Variants in PTN observed in about 807,000 individuals in gnomAD.
PTN encodes pleiotrophin.
A neutral mutation model predicts 24.1 loss-of-function variants in PTN; 18 were observed. The observed-to-expected ratio is 0.75, with a 90% confidence interval of 0.52 to 1.11. PTN has a LOEUF of 1.11. Among genes scored for constraint, PTN ranks in the 50% least tolerant of loss-of-function variants. PTN has a pLI of 0.00. For synonymous variants in PTN, 78 were observed against 68.6 expected (o/e 1.14, Z -0.67); for missense variants, 163 against 198.8 (o/e 0.82, Z 1.08).
intron 1 of PTN, among the ~76,000 whole-genome samples, chr7:137,296,662 G>T (rs1809722790): frequency 6.6e-6 from 1 of 152,032 alleles, no homozygotes. Flanking sequence ...GTGGAGAGTA[G>T]AACTCTGATT....
chr7:137,304,203 T>A (rs1195739003), intron 1 of PTN, among the ~76,000 whole-genome samples: 1 of 152,016 alleles, frequency 6.6e-6, no homozygotes, highest in East Asian at 1.9e-4. Flanking sequence ...TTTTTTCTCC[T>A]CCTTCTCTTT....
chr7:137,339,982 G>C (rs140888890), intron 1 of PTN, among the ~76,000 whole-genome samples: 1 of 151,908 alleles, frequency 6.6e-6, no homozygotes, highest in East Asian at 1.9e-4. Flanking sequence ...AATATACAGC[G>C]CTTGATTTTT....
chr7:137,296,657 G>A (rs1166147662), intron 1 of PTN, among the ~76,000 whole-genome samples: 1 of 152,024 alleles, frequency 6.6e-6, no homozygotes, highest in African/African-American at 2.4e-5. Context: ...AGGGGGTGGA[G>A]AGTAGAACTC....
chr7:137,230,058 A>G (rs1424965477), intron 4 of PTN, among the ~76,000 whole-genome samples: 1 of 151,776 alleles, frequency 6.6e-6, no homozygotes, highest in Non-Finnish European at 1.5e-5. Context: ...AGTAGAGTGG[A>G]TATCTAAGTA....
At chr7:137,302,430 A>G (rs1809821083) in intron 1 of PTN, among the ~76,000 whole-genome samples, 1 of 152,026 alleles carries the variant, frequency 6.6e-6, no homozygotes, top group African/African-American at 2.4e-5. Flanking sequence ...TCCAGCAATC[A>G]GCCAAAATTC....
At position 137,254,978 on chromosome 7, in the gene PTN, GGAATAAACA is replaced by G. The variant is rs747162194; in HGVS notation, c.-1-13_-1-5del. On this transcript the variant is annotated splice_region_variant and splice_polypyrimidine_tract_variant and intron_variant, in intron 1 of 4. Coordinates refer to ENST00000348225, the MANE Select transcript of PTN (RefSeq NM_002825.7). ...CTGGTACTGTTGAGCCTGCATTCTAGGAATAAACAGAGAAAGAGAAGAAGGTGGCATTAA... is the reference window on the plus strand; with the variant it reads ...CTGGTACTGTTGAGCCTGCATTCTAGGAGAAAGAGAAGAAGGTGGCATTAA... 3.0e-5 allele frequency: 46 copies of G among 1,515,218 alleles called. 1 individual carries two copies. The South Asian group carries it at 5.7e-4, about 19-fold the overall frequency. 93.9% of individuals were successfully genotyped at this position (1,515,218 alleles called of 1,614,324 possible). A position where few individuals can be genotyped will look rare whatever the true frequency, so the allele number is the denominator to read the frequency against.
intron 1 of PTN, among the ~76,000 whole-genome samples, chr7:137,336,990 C>T (rs891783450): frequency 1.3e-5 from 2 of 152,332 alleles, no homozygotes; most frequent in East Asian, 3.9e-4. Flanking sequence ...GTGGTTTATA[C>T]CTCAGTATTT....
chr7:137,269,086 A>G (rs983705779), intron 1 of PTN, among the ~76,000 whole-genome samples: 3 of 152,164 alleles, frequency 2.0e-5, no homozygotes, highest in African/African-American at 4.8e-5. Flanking sequence ...GTTACTTTGT[A>G]TGAGATTTGA....
At chr7:137,257,793 G>A (rs1808960640) in intron 1 of PTN, among the ~76,000 whole-genome samples, 1 of 152,140 alleles carries the variant, frequency 6.6e-6, no homozygotes, top group East Asian at 1.9e-4. Flanking sequence ...TGAGAATTTG[G>A]AAATTCTCAT....
chr7:137,280,481 G>A (rs565877091), intron 1 of PTN, among the ~76,000 whole-genome samples: 9 of 151,536 alleles, frequency 5.9e-5, no homozygotes, highest in Non-Finnish European at 1.2e-4. Flanking sequence ...GAGAATTCTA[G>A]TTATATAAGT....
intron 1 of PTN, among the ~76,000 whole-genome samples, chr7:137,286,698 G>A (rs760803981): frequency 6.6e-6 from 1 of 152,110 alleles, no homozygotes; most frequent in African/African-American, 2.4e-5. Context: ...CACATATAGA[G>A]ATAAGCACCT....
intron 1 of PTN, among the ~76,000 whole-genome samples, chr7:137,307,745 A>G (rs1809912633): frequency 6.6e-6 from 1 of 152,108 alleles, no homozygotes; most frequent in South Asian, 2.1e-4. Flanking sequence ...GTGTGCTTTA[A>G]CAAACACAAA....
At chr7:137,286,603 TTC>T (rs1170883570) in intron 1 of PTN, among the ~76,000 whole-genome samples, 59 of 152,264 alleles carry the variant, frequency 3.9e-4, no homozygotes, top group Admixed American at 6.5e-4. Flanking sequence ...GATAAATAAT[TTC>T]TTTTTTACTT....
At chr7:137,296,846 A>G (rs75613360) in intron 1 of PTN, among the ~76,000 whole-genome samples, 1 of 151,746 alleles carries the variant, frequency 6.6e-6, no homozygotes, top group Non-Finnish European at 1.5e-5. Context: ...TCTCCACCAA[A>G]CCCCCCAAAT....
intron 3 of PTN, 99 bp from the exon 4 acceptor site, chr7:137,251,490 T>A: frequency 7.6e-7 from 1 of 1,312,760 alleles, no homozygotes; most frequent in South Asian, 1.3e-5. Context: ...TTTATTGAAA[T>A]AATTATAGAT....
chr7:137,329,945 G>C (rs944183365), intron 1 of PTN, among the ~76,000 whole-genome samples: 1 of 152,154 alleles, frequency 6.6e-6, no homozygotes, highest in Non-Finnish European at 1.5e-5. Context: ...AGACAGTAAT[G>C]CAAGATTAGC....
At chr7:137,282,395 CTTTA>C (rs1169695919) in intron 1 of PTN, among the ~76,000 whole-genome samples, 1 of 151,962 alleles carries the variant, frequency 6.6e-6, no homozygotes, top group Non-Finnish European at 1.5e-5. Flanking sequence ...AAATAGATGA[CTTTA>C]TTATTTTTAA....
intron 1 of PTN, among the ~76,000 whole-genome samples, chr7:137,315,850 G>A (rs1288967886): frequency 6.6e-6 from 1 of 152,094 alleles, no homozygotes; most frequent in Non-Finnish European, 1.5e-5. Context: ...GATGGCCTAG[G>A]TATGCAGTTC....
rs547801339 is a variant in PTN at position 137,263,124 on chromosome 7, T to C, written c.-1-8150A>G. Among the ~76,000 whole-genome samples, 44 of 152,304 alleles carry C rather than the reference T, an allele frequency of 2.9e-4. 1 individual carries two copies. In the South Asian group the frequency reaches 8.9e-3, roughly 31 times the overall value. On this transcript the variant is annotated intron_variant, in intron 1 of 4. Coordinates refer to ENST00000348225, the MANE Select transcript of PTN (RefSeq NM_002825.7). Reference sequence around the variant, plus strand: ...GTACACTTGTGCTGAAGCATTTTGGTGAATCAAGGTAGTGATGAAGCTTTT... The same window carrying C: ...GTACACTTGTGCTGAAGCATTTTGGCGAATCAAGGTAGTGATGAAGCTTTT...
Sources: allele counts gnomAD v4.1 joint callset (sites outside exome capture counted in the v4.1 genomes callset), GRCh38; gene constraint gnomAD v4.1.1; transcripts MANE v1.5; gene names NCBI Gene and HGNC (gene_info 2026-07-23, HGNC 2026-07-21).